The following DNAH8 variants were observed in gnomAD, a reference collection of about 807,000 sequenced individuals.
DNAH8 encodes the protein dynein axonemal heavy chain 8, also known as axonemal beta dynein heavy chain 8.
A neutral mutation model predicts 562.1 loss-of-function variants in DNAH8; 382 were observed. The ratio of observed to expected loss-of-function variants is 0.68; its 90% CI spans 0.63 to 0.74. The LOEUF is 0.74. Among genes scored for constraint, DNAH8 ranks in the 30% least tolerant of loss-of-function variants. The pLI is 0.00. For synonymous variants in DNAH8, 1,881 were observed against 1,919.4 expected, an observed-to-expected ratio of 0.98 and a Z score of 0.52; for missense variants, 5,203 against 5,620.4, an observed-to-expected ratio of 0.93 and a Z score of 2.37.
intron 76 of DNAH8, among the ~76,000 whole-genome samples, chr6:38,933,920 G>T (rs1309081896): frequency 6.6e-6 from 1 of 152,128 alleles, no homozygotes; most frequent in East Asian, 1.9e-4. Context: ...AATATTTATT[G>T]GGTTGAGTTT....
chr6:38,784,376 T>C (rs1258783821), intron 17 of DNAH8, among the ~76,000 whole-genome samples: 1 of 152,150 alleles, frequency 6.6e-6, no homozygotes, highest in African/African-American at 2.4e-5. Context: ...TCCTGGTGGT[T>C]TTTCTACCCC....
At chr6:38,715,950 A>ATTTTTTTTT (rs70981580) in intron 1 of DNAH8, among the ~76,000 whole-genome samples, 7 of 31,248 alleles carry the variant, frequency 2.2e-4, no homozygotes, top group African/African-American at 3.6e-4. Flanking sequence ...ATATATATAT[A>ATTTTTTTTT]TATATATATA....
intron 63 of DNAH8, among the ~76,000 whole-genome samples, chr6:38,907,047 T>C (rs1486002880): frequency 6.6e-6 from 1 of 152,176 alleles, no homozygotes; most frequent in Non-Finnish European, 1.5e-5. Context: ...ATCTGAAACA[T>C]TGTGGTCCCA....
chr6:38,880,080 TA>T (rs577665846), intron 53 of DNAH8, among the ~76,000 whole-genome samples: 139 of 150,232 alleles, frequency 9.3e-4, no homozygotes, highest in Middle Eastern at 3.4e-3. Flanking sequence ...CCGTATCTAC[TA>T]AAAAAAAACA....
intron 53 of DNAH8, among the ~76,000 whole-genome samples, chr6:38,878,094 T>G (rs1330948274): frequency 6.6e-6 from 1 of 152,138 alleles, no homozygotes; most frequent in Non-Finnish European, 1.5e-5. Context: ...GGAGGAAGTG[T>G]CAGAGAACAA....
intron 4 of DNAH8, among the ~76,000 whole-genome samples, chr6:38,733,271 GT>G (rs1763801699): frequency 1.3e-5 from 2 of 151,756 alleles, no homozygotes; most frequent in Admixed American, 6.6e-5. Flanking sequence ...AATTAATATT[GT>G]GACCAACTAT....
chr6:38,822,683 G>A (rs1389286972), intron 26 of DNAH8, among the ~76,000 whole-genome samples, 155 bp from the exon 27 acceptor site: 2 of 152,118 alleles, frequency 1.3e-5, no homozygotes, highest in Non-Finnish European at 2.9e-5. Context: ...AAGATAGCAA[G>A]AGAATAGCTC....
intron 24 of DNAH8, among the ~76,000 whole-genome samples, chr6:38,810,171 C>A (rs1771666845): frequency 1.3e-5 from 2 of 152,036 alleles, no homozygotes; most frequent in South Asian, 4.1e-4. Flanking sequence ...CATTCTTTTT[C>A]TTTGATTCAT....
At position 38,874,125 on chromosome 6, in the gene DNAH8, C is replaced by T. The variant is rs868640495; in HGVS notation, c.7620+749C>T. On this transcript the variant is annotated intron_variant, in intron 52 of 92. Coordinates refer to ENST00000327475, the MANE Select transcript of DNAH8 (RefSeq NM_001206927.2). Reference sequence around the variant, plus strand: ...TTCTCCTTCCTTCCTTCCTCCTTCTCTCTTTCTTTCTTTCTCTTTCTCCTT... The same window carrying T: ...TTCTCCTTCCTTCCTTCCTCCTTCTTTCTTTCTTTCTTTCTCTTTCTCCTT... Among the ~76,000 whole-genome samples the T allele has an allele frequency of 3.4e-3, 167 of 49,430 alleles. 3 individuals carry two copies. The highest frequency in any genetic ancestry group is 0.011 in the East Asian group (2 of 176). The allele number at this position is 49,430 out of a possible 152,430, so 32.4% of individuals were successfully genotyped here.
At chr6:38,960,869 T>C in intron 82 of DNAH8, among the ~76,000 whole-genome samples, 1 of 151,868 alleles carries the variant, frequency 6.6e-6, no homozygotes, top group East Asian at 1.9e-4. Flanking sequence ...ATTGTAGAGG[T>C]ATCTATCTGT....
intron 7 of DNAH8, among the ~76,000 whole-genome samples, chr6:38,738,291 G>A (rs1764259237): frequency 6.6e-6 from 1 of 152,178 alleles, no homozygotes; most frequent in Non-Finnish European, 1.5e-5. Flanking sequence ...ATAAAAGAGA[G>A]AGGGAGAGGA....
chr6:38,822,483 TCTCTCCTTGAA>T (rs1223997178), intron 26 of DNAH8: 2 of 164,402 alleles, frequency 1.2e-5, no homozygotes, highest in Non-Finnish European at 2.6e-5. Flanking sequence ...AAATGTAATG[TCTCTCCTTGAA>T]CCACTGCGCT....
intron 23 of DNAH8, among the ~76,000 whole-genome samples, 183 bp downstream of exon 23, chr6:38,805,779 T>C (rs1477385104): frequency 2.6e-5 from 4 of 152,226 alleles, no homozygotes; most frequent in African/African-American, 7.2e-5. Flanking sequence ...TTCCCCAGTA[T>C]CACAGCTTTT....
At position 38,776,988 on chromosome 6, in the gene DNAH8, A is replaced by G. The variant is rs886131379; in HGVS notation, c.1962+1037A>G. On this transcript the variant is annotated intron_variant, in intron 13 of 92. Coordinates refer to ENST00000327475, the MANE Select transcript of DNAH8 (RefSeq NM_001206927.2). ...CCTTGCCATGAAAGTGAGAAAAATC[A>G]GATGTTTTTCTCAAGTATTTAAAAA... Among the ~76,000 whole-genome samples the G allele has an allele frequency of 2.6e-5, 4 of 152,212 alleles. 1 individual carries two copies. The highest frequency in any genetic ancestry group is 6.3e-3 in the Middle Eastern group (2 of 316).
Position 39,012,578 on chromosome 6 carries a change from C to A in DNAH8, c.13655C>A (p.Thr4552Lys). ...TTGGAAAGAAATGCTCAGTTTTCTA[C>A]GTGGATATTTGAAGGGAGGCCTAAT... The part of the protein sequence containing the change: ...ELLERNAQFS[T>K]WIFEGRPNVF... The change falls in exon 91 of 93, where the codon ACG (threonine) becomes AAG (lysine). Residue 4552 changes from threonine (T) to lysine (K), a missense_variant. Coordinates refer to ENST00000327475, the MANE Select transcript of DNAH8 (RefSeq NM_001206927.2). 1 of 1,614,020 alleles carries A rather than the reference C, an allele frequency of 6.2e-7. No homozygotes were observed. The highest frequency in any genetic ancestry group is 1.1e-5 in the South Asian group (1 of 91,082).
chr6:38,883,012 G>T lies in DNAH8; in HGVS notation c.7961G>T (p.Arg2654Ile). 2 of 1,602,326 alleles carry T rather than the reference G, an allele frequency of 1.2e-6. No homozygotes were observed. Among genetic ancestry groups the T allele is most frequent in the South Asian group, 1.1e-5 (1 of 87,578 alleles). ...TTGGTTCCAAATGTTGACAATATTA[G>T]AACAAATTTTTTGATAGACACCATT... ...SILVPNVDNI[R>I]TNFLIDTIAK... The change falls in exon 54 of 93, where the codon AGA becomes ATA. Residue 2654 changes from arginine (R) to isoleucine (I), a missense_variant. Physicochemically the swap from Arg to Ile is moderately conservative, Grantham distance 97. Transcript: ENST00000327475.
At chr6:38,864,090 A>G in intron 45 of DNAH8, 30 bp downstream of exon 45, 1 of 1,585,214 alleles carries the variant, frequency 6.3e-7, no homozygotes, top group Non-Finnish European at 8.6e-7. Flanking sequence ...ATGCAATTTA[A>G]TTAGTTTAAT....
At position 38,926,004 on chromosome 6, in the gene DNAH8, A is replaced by T. The variant is rs192345727; in HGVS notation, c.10963-51A>T. ...TTTACAGTACTTTTAATTACTAATG[A>T]GGGCATTCCTGTTCTCCTTTGAATG... On this transcript the variant is annotated intron_variant, in intron 73 of 92. Transcript: ENST00000327475. The T allele has an allele frequency of 2.3e-5, 34 of 1,486,198 alleles. No homozygotes were observed. In the East Asian group the frequency reaches 7.2e-4, roughly 31 times the overall value. 92.1% of individuals were successfully genotyped at this position (1,486,198 alleles called of 1,614,324 possible).
rs1763003726 is a variant in DNAH8 at position 38,966,890 on chromosome 6, G to A, written c.12452-4702G>A. Among the ~76,000 whole-genome samples, 5 of 152,100 alleles carry A rather than the reference G, an allele frequency of 3.3e-5. No individual in the cohort carries two copies. The South Asian group carries it at 8.3e-4, about 25-fold the overall frequency. On this transcript the variant is annotated intron_variant, in intron 82 of 92. Coordinates refer to ENST00000327475, the MANE Select transcript of DNAH8 (RefSeq NM_001206927.2). ...GCCGATTCAGTAGCTGATAAAGGCC[G>A]GTTTCCTATTTCATAGATGACTTCT...
Sources: allele counts gnomAD v4.1 joint callset (sites outside exome capture counted in the v4.1 genomes callset), GRCh38; gene constraint gnomAD v4.1.1; transcripts MANE v1.5; gene names NCBI Gene and HGNC (gene_info 2026-07-23, HGNC 2026-07-21).